TTC28: variants seen among roughly 807,000 people sequenced by gnomAD.
The protein encoded by TTC28 is tetratricopeptide repeat domain 28.
In TTC28, 61 loss-of-function variants were observed where a neutral mutation model predicts 198.0. The observed-to-expected ratio is 0.31, with a 90% confidence interval of 0.25 to 0.38. The LOEUF (loss-of-function observed/expected upper bound fraction) is 0.38, where lower values mean the gene tolerates loss of function less well. TTC28 is among the 10% of genes least tolerant of loss of function. TTC28 has a pLI of 1.00. For missense variants in TTC28, 2,678 were observed against 3,164.0 expected (o/e 0.85, Z 3.69); for synonymous variants, 1,171 against 1,297.8 (o/e 0.90, Z 2.10).
chr22:28,040,523 C>CA (rs1304512850), intron 12 of TTC28, among the ~76,000 whole-genome samples: 1 of 152,130 alleles, frequency 6.6e-6, no homozygotes, highest in African/African-American at 2.4e-5. Flanking sequence ...AGGCCTTTGA[C>CA]AAAATTCAAC....
chr22:28,485,450 T>G (rs1207310851), intron 2 of TTC28, among the ~76,000 whole-genome samples: 2 of 152,188 alleles, frequency 1.3e-5, no homozygotes, highest in Non-Finnish European at 1.5e-5. Context: ...TTCACTTCAC[T>G]TCTATCCTGT....
intron 5 of TTC28, among the ~76,000 whole-genome samples, chr22:28,244,935 T>A (rs561388266): frequency 2.6e-4 from 39 of 152,164 alleles, no homozygotes; most frequent in South Asian, 1.2e-3. Context: ...TAGAAGGAGG[T>A]CTACTGCAAG....
chr22:28,554,276 C>T (rs1246035995), intron 2 of TTC28, among the ~76,000 whole-genome samples: 2 of 151,326 alleles, frequency 1.3e-5, no homozygotes. Flanking sequence ...AACCAGAGAC[C>T]TTTGTTCACT....
chr22:28,328,880 A>G (rs2045574355), intron 2 of TTC28, among the ~76,000 whole-genome samples: 1 of 151,786 alleles, frequency 6.6e-6, no homozygotes, highest in Admixed American at 6.6e-5. Context: ...AAAGGAGTAC[A>G]AAGGCCTGAG....
At chr22:28,440,024 C>CG (rs1422879176) in intron 2 of TTC28, among the ~76,000 whole-genome samples, 3 of 152,244 alleles carry the variant, frequency 2.0e-5, no homozygotes, top group African/African-American at 4.8e-5. Context: ...TTAGTAGAGA[C>CG]GGGGTTTCAC....
chr22:28,331,732 T>C (rs959020336), intron 2 of TTC28, among the ~76,000 whole-genome samples: 3 of 152,094 alleles, frequency 2.0e-5, no homozygotes, highest in African/African-American at 7.2e-5. Context: ...TTGCCTTCAA[T>C]GCTGAAATCC....
intron 5 of TTC28, among the ~76,000 whole-genome samples, chr22:28,274,547 G>A (rs1229990904): frequency 6.6e-6 from 1 of 152,144 alleles, no homozygotes; most frequent in African/African-American, 2.4e-5. Flanking sequence ...TGAGAACTTG[G>A]TCCTATTTAA....
At chr22:28,079,653 C>CT (rs1260326811) in intron 12 of TTC28, among the ~76,000 whole-genome samples, 1 of 152,144 alleles carries the variant, frequency 6.6e-6, no homozygotes, top group African/African-American at 2.4e-5. Context: ...ATTTGTCTTT[C>CT]TTTGTGATTG....
chr22:28,426,798 A>T (rs964515830), intron 2 of TTC28, among the ~76,000 whole-genome samples: 2 of 152,186 alleles, frequency 1.3e-5, no homozygotes, highest in Admixed American at 6.5e-5. Flanking sequence ...AAAGAATAAC[A>T]GTACCCCATT....
At chr22:28,539,937 C>CTTT (rs34198666) in intron 2 of TTC28, among the ~76,000 whole-genome samples, 76 of 84,618 alleles carry the variant, frequency 9.0e-4, no homozygotes, top group Non-Finnish European at 1.1e-3. Context: ...CCTCAGGAAG[C>CTTT]TTTTTTTTTT....
At chr22:28,467,064 C>T (rs1372753599) in intron 2 of TTC28, among the ~76,000 whole-genome samples, 1 of 152,118 alleles carries the variant, frequency 6.6e-6, no homozygotes, top group African/African-American at 2.4e-5. Context: ...AAGAATAATC[C>T]ACACTAATAA....
intron 5 of TTC28, among the ~76,000 whole-genome samples, chr22:28,196,634 A>G (rs1178244210): frequency 2.6e-5 from 4 of 152,212 alleles, no homozygotes; most frequent in South Asian, 2.1e-4. Context: ...TGAAGGATAT[A>G]AACAGACACT....
intron 2 of TTC28, among the ~76,000 whole-genome samples, chr22:28,626,390 G>T (rs951019726): frequency 1.3e-5 from 2 of 151,952 alleles, no homozygotes; most frequent in Non-Finnish European, 2.9e-5. Flanking sequence ...GACAGAAATT[G>T]GAAGGTAGCT....
chr22:28,385,078 T>C (rs1476445352), intron 2 of TTC28, among the ~76,000 whole-genome samples: 1 of 148,928 alleles, frequency 6.7e-6, no homozygotes, highest in Non-Finnish European at 1.5e-5. Context: ...GAGGCAGAGG[T>C]TGCAGTGAGC....
rs1937687262 is a variant in TTC28 at position 28,001,436 on chromosome 22, G to A, written c.4336C>T (p.Leu1446Phe). The A allele has an allele frequency of 1.2e-5, 18 of 1,551,630 alleles. No homozygotes were observed. The highest frequency in any genetic ancestry group is 1.4e-5 in the African/African-American group (1 of 73,200). The change falls in exon 15 of 23, where the codon CTC becomes TTC. Residue 1446 changes from leucine to phenylalanine, a missense_variant. This residue lies in a region of TTC28 where 727 missense variants were observed against 861.9 expected (regional missense o/e 0.84). Transcript: ENST00000397906. ...GCAAGGAGGCCGAAGCGCTCGTAGAGGTACTCATTGGAGGAGCTTCCCTTC... is the reference window on the plus strand; with the variant it reads ...GCAAGGAGGCCGAAGCGCTCGTAGAAGTACTCATTGGAGGAGCTTCCCTTC... ...LLKGSSSNEY[L>F]YERFGLLAVP...
At chr22:28,427,805 G>C (rs1268522585) in intron 2 of TTC28, among the ~76,000 whole-genome samples, 1 of 150,670 alleles carries the variant, frequency 6.6e-6, no homozygotes, top group African/African-American at 2.4e-5. Flanking sequence ...GTAAATTAAA[G>C]TCAAATTCAG....
At chr22:28,035,315 T>C (rs1939295228) in intron 12 of TTC28, among the ~76,000 whole-genome samples, 1 of 152,142 alleles carries the variant, frequency 6.6e-6, no homozygotes, top group African/African-American at 2.4e-5. Context: ...GGCAGTGAGA[T>C]AGCTCCTACA....
intron 2 of TTC28, among the ~76,000 whole-genome samples, chr22:28,394,685 G>C (rs1376228903): frequency 6.6e-6 from 1 of 152,116 alleles, no homozygotes; most frequent in African/African-American, 2.4e-5. Context: ...AGACAAACAG[G>C]GACAGTTTTC....
At chr22:28,182,386 C>T (rs1420564266) in intron 5 of TTC28, among the ~76,000 whole-genome samples, 3 of 152,086 alleles carry the variant, frequency 2.0e-5, no homozygotes, top group Non-Finnish European at 2.9e-5. Flanking sequence ...ACAGTATTTA[C>T]ACCAAATCAT....
Sources: allele counts gnomAD v4.1 joint callset (sites outside exome capture counted in the v4.1 genomes callset), GRCh38; gene constraint gnomAD v4.1.1; regional missense constraint gnomAD v4.1.1; transcripts MANE v1.5; gene names NCBI Gene and HGNC (gene_info 2026-07-23, HGNC 2026-07-21).